ABCD2: variants seen among roughly 807,000 people sequenced by gnomAD.
ABCD2 encodes the protein ATP-binding cassette sub-family D member 2.
In ABCD2, 36 loss-of-function variants were observed where a neutral mutation model predicts 70.9. That is an observed-to-expected ratio of 0.51 (90% CI 0.39 to 0.67). The LOEUF is 0.67. Among genes scored for constraint, ABCD2 ranks in the 30% least tolerant of loss-of-function variants. ABCD2 has a pLI of 0.00. For synonymous variants in ABCD2, 304 were observed against 306.9 expected, an observed-to-expected ratio of 0.99 and a Z score of 0.10; for missense variants, 729 against 890.2, an observed-to-expected ratio of 0.82 and a Z score of 2.30.
intron 6 of ABCD2, among the ~76,000 whole-genome samples, chr12:39,592,304 G>A (rs2120668046): frequency 6.6e-6 from 1 of 152,300 alleles, no homozygotes; most frequent in African/African-American, 2.4e-5. Context: ...ATCATAAAGA[G>A]AATTTTGCAA....
At chr12:39,576,172 T>C (rs927527254) in intron 8 of ABCD2, among the ~76,000 whole-genome samples, 1 of 152,156 alleles carries the variant, frequency 6.6e-6, no homozygotes, top group Non-Finnish European at 1.5e-5. Context: ...TTGTTGTTGT[T>C]GTTTTTGAGA....
intron 9 of ABCD2, among the ~76,000 whole-genome samples, chr12:39,570,736 G>A (rs961786900): frequency 1.3e-5 from 2 of 152,064 alleles, no homozygotes; most frequent in African/African-American, 4.8e-5. Flanking sequence ...GGCAACAAAA[G>A]TAAAAATAGA....
In ABCD2 at chr12:39,579,603, C is replaced by G; in HGVS notation, c.1809G>C (p.Met603Ile). The part of the protein sequence containing the change: ...VQREGGWDAV[M>I]DWKDVLSGGE... ...CTCCTGACAGGACATCTTTCCAGTC[C>G]ATAACAGCATCCCATCCTTAAGAAA... Residue 603 changes from methionine to isoleucine, a missense_variant, in exon 8 of 10, where the codon ATG becomes ATC. By Grantham distance (10) the Met-to-Ile change is conservative. Transcript: ENST00000308666. 6.2e-7 allele frequency: 1 copy of G among 1,609,916 alleles called. No homozygotes were observed. The highest frequency in any genetic ancestry group is 8.5e-7 in the Non-Finnish European group (1 of 1,177,522).
At chr12:39,546,661 A>G (rs1481530679), downstream of ABCD2, among the ~76,000 whole-genome samples, 1 of 152,154 alleles carries the variant, frequency 6.6e-6, no homozygotes, top group Non-Finnish European at 1.5e-5. Flanking sequence ...GTGGTTAGGG[A>G]AGATACATGA....
intron 2 of ABCD2, among the ~76,000 whole-genome samples, chr12:39,615,290 T>C (rs118171958): frequency 0.02 from 3,019 of 152,120 alleles, 45 homozygotes; most frequent in South Asian, 0.041. Flanking sequence ...ATATACATTA[T>C]ATATTAAACT....
At chr12:39,580,235 G>A (rs979410313) in intron 7 of ABCD2, among the ~76,000 whole-genome samples, 43 of 152,084 alleles carry the variant, frequency 2.8e-4, no homozygotes, top group African/African-American at 9.7e-4. Flanking sequence ...GCTGCCAGAT[G>A]GGGCCAGCTA....
At chr12:39,572,976 C>T (rs1180645253) in intron 9 of ABCD2, among the ~76,000 whole-genome samples, 4 of 152,064 alleles carry the variant, frequency 2.6e-5, no homozygotes, top group South Asian at 2.1e-4. Context: ...TAATGAGAGC[C>T]GTGTGCTGTA....
At chr12:39,590,667 A>G (rs1431005249) in intron 6 of ABCD2, among the ~76,000 whole-genome samples, 2 of 151,988 alleles carry the variant, frequency 1.3e-5, no homozygotes, top group Non-Finnish European at 2.9e-5. Context: ...ATGGCTTTTT[A>G]TAGTTTTGTT....
rs183170864 is a variant in ABCD2, at chr12:39,573,141, T to A, written c.2003+575A>T. On this transcript the variant is annotated intron_variant, in intron 9 of 9. Transcript: ENST00000308666. Reference sequence around the variant, plus strand: ...CAGAATAAGTGCTCAACTATTATGATGATGATGAATCAATGGAAAAGTAGG... The same window carrying A: ...CAGAATAAGTGCTCAACTATTATGAAGATGATGAATCAATGGAAAAGTAGG... 9.2e-4 allele frequency among the ~76,000 whole-genome samples: 140 copies of A among 152,272 alleles called. 1 individual carries two copies. Among genetic ancestry groups the A allele is most frequent in the African/African-American group, 3.2e-3 (133 of 41,566 alleles).
intron 9 of ABCD2, among the ~76,000 whole-genome samples, chr12:39,567,147 C>G (rs377611027): frequency 6.6e-6 from 1 of 152,148 alleles, no homozygotes; most frequent in Non-Finnish European, 1.5e-5. Context: ...TCTATTAGGT[C>G]TGCTTGGTGC....
chr12:39,570,600 T>G (rs1432572771), intron 9 of ABCD2, among the ~76,000 whole-genome samples: 2 of 152,150 alleles, frequency 1.3e-5, no homozygotes, highest in East Asian at 3.8e-4. Flanking sequence ...ATTAAAGACT[T>G]CAATGCAAGA....
chr12:39,586,315 C>G lies in ABCD2; in HGVS notation c.1647-18G>C. The G allele has an allele frequency of 6.2e-7, 1 of 1,600,926 alleles. No homozygotes were observed. Among genetic ancestry groups the G allele is most frequent in the Non-Finnish European group, 8.5e-7 (1 of 1,174,998 alleles). On this transcript the variant is annotated intron_variant, in intron 6 of 9. Coordinates refer to ENST00000308666, the MANE Select transcript of ABCD2 (RefSeq NM_005164.4). ...TATATGGCCTTTAAAACACCAAGCACACAAGAATCCTAGTGGAAAGTCATG... is the reference window on the plus strand; with the variant it reads ...TATATGGCCTTTAAAACACCAAGCAGACAAGAATCCTAGTGGAAAGTCATG...
chr12:39,570,113 C>G (rs1941425436), intron 9 of ABCD2, among the ~76,000 whole-genome samples: 2 of 152,182 alleles, frequency 1.3e-5, no homozygotes, highest in Non-Finnish European at 2.9e-5. Context: ...AATGATATCT[C>G]ATGTTTATGA....
chr12:39,605,257 C>A (rs574157278), intron 3 of ABCD2, among the ~76,000 whole-genome samples: 1 of 151,884 alleles, frequency 6.6e-6, no homozygotes, highest in Admixed American at 6.6e-5. Flanking sequence ...TTGTGGAAAG[C>A]TTAAGGTCAT....
chr12:39,534,768 AAGAAAGAAAGAAAG>A, the ABCD2 span, among the ~76,000 whole-genome samples: 1,543 of 33,822 alleles, frequency 0.046, 17 homozygotes, highest in Non-Finnish European at 0.083. Context: ...AAGAGAAAGA[AAGAAAGAAAGAAAG>A]AAAGAAAGAA....
intron 8 of ABCD2, among the ~76,000 whole-genome samples, chr12:39,578,107 T>C (rs1941544453): frequency 6.6e-6 from 1 of 152,212 alleles, no homozygotes; most frequent in Non-Finnish European, 1.5e-5. Flanking sequence ...ACAAGAGTGC[T>C]GCATCTGCCA....
chr12:39,616,223 G>A lies in ABCD2; in HGVS notation c.1120+765C>T, dbSNP rs139096021. Among the ~76,000 whole-genome samples, 753 of 152,238 alleles carry A rather than the reference G, an allele frequency of 4.9e-3. 4 individuals are homozygous for A. Among genetic ancestry groups the A allele is most frequent in the Non-Finnish European group, 7.9e-3 (536 of 67,988 alleles). On this transcript the variant is annotated intron_variant, in intron 2 of 9. Coordinates refer to ENST00000308666, the MANE Select transcript of ABCD2 (RefSeq NM_005164.4). ...GAAAAGAGTAGAAAATACTTCTTCA[G>A]TTAATTCTTCTCTGTTCCAACCAAT...
At chr12:39,598,192 A>G (rs1020960867) in intron 6 of ABCD2, among the ~76,000 whole-genome samples, 1 of 152,246 alleles carries the variant, frequency 6.6e-6, no homozygotes, top group African/African-American at 2.4e-5. Context: ...CAATTAATGT[A>G]CATTCTGATC....
intron 9 of ABCD2, among the ~76,000 whole-genome samples, chr12:39,566,187 T>A (rs1262891642): frequency 6.6e-6 from 1 of 152,234 alleles, no homozygotes; most frequent in African/African-American, 2.4e-5. Flanking sequence ...TTTATTGGAA[T>A]AGTTTCAGAA....
Sources: allele counts gnomAD v4.1 joint callset (sites outside exome capture counted in the v4.1 genomes callset), GRCh38; gene constraint gnomAD v4.1.1; transcripts MANE v1.5; gene names NCBI Gene and HGNC (gene_info 2026-07-23, HGNC 2026-07-21).